KCTD8: variants seen among roughly 807,000 people sequenced by gnomAD.
The protein encoded by KCTD8 is potassium channel tetramerization domain containing 8, also known as BTB/POZ domain-containing protein KCTD8.
A neutral mutation model predicts 31.5 loss-of-function variants in KCTD8; 27 were observed. The ratio of observed to expected loss-of-function variants is 0.86; its 90% CI spans 0.63 to 1.18. The LOEUF (loss-of-function observed/expected upper bound fraction) is 1.18, where lower values mean the gene tolerates loss of function less well. KCTD8 is among the 50% of genes most tolerant of loss of function. KCTD8 has a pLI of 0.00. For missense variants in KCTD8, 658 were observed against 647.7 expected (o/e 1.02, Z -0.17); for synonymous variants, 290 against 280.0 (o/e 1.04, Z -0.36).
chr4:44,264,743 A>T (rs553048688), intron 1 of KCTD8, among the ~76,000 whole-genome samples: 5 of 152,112 alleles, frequency 3.3e-5, no homozygotes, highest in Non-Finnish European at 7.4e-5. Flanking sequence ...TATCCCGCAC[A>T]TGGCTCGGAG....
chr4:44,193,301 C>T (rs1713820175), intron 1 of KCTD8, among the ~76,000 whole-genome samples: 1 of 152,066 alleles, frequency 6.6e-6, no homozygotes, highest in South Asian at 2.1e-4. Context: ...GTTTATTTTA[C>T]ACATTAGGAA....
At position 44,203,943 on chromosome 4, in the gene KCTD8, TA is replaced by T. The variant is rs908485999; in HGVS notation, c.962-28694del. ...GAGAAATAATTTCAAGATTTAGTAA[TA>T]AAAAAAAGCATGTGCAAATGCCTTT... On this transcript the variant is annotated intron_variant, in intron 1 of 1. Coordinates refer to ENST00000360029, the MANE Select transcript of KCTD8 (RefSeq NM_198353.3). Among the ~76,000 whole-genome samples, 10 of 151,346 alleles carry T rather than the reference TA, an allele frequency of 6.6e-5. No individual in the cohort carries two copies. In the East Asian group the frequency reaches 1.5e-3, roughly 23 times the overall value.
intron 1 of KCTD8, among the ~76,000 whole-genome samples, chr4:44,407,802 G>A (rs950483830): frequency 6.6e-6 from 1 of 152,022 alleles, no homozygotes; most frequent in African/African-American, 2.4e-5. Flanking sequence ...GTGTGTTACT[G>A]GGGATAAAAC....
At chr4:44,309,058 CAG>C (rs1164286015) in intron 1 of KCTD8, among the ~76,000 whole-genome samples, 3 of 152,070 alleles carry the variant, frequency 2.0e-5, no homozygotes, top group East Asian at 1.9e-4. Context: ...TTATTTAAAA[CAG>C]AGTCTCACTT....
intron 1 of KCTD8, among the ~76,000 whole-genome samples, chr4:44,216,624 TA>T (rs367759504): frequency 4.0e-5 from 6 of 151,762 alleles, no homozygotes; most frequent in African/African-American, 9.7e-5. Flanking sequence ...TGAGACAAGT[TA>T]AAAAAAATGT....
intron 1 of KCTD8, among the ~76,000 whole-genome samples, chr4:44,278,252 C>T (rs1716807621): frequency 6.6e-6 from 1 of 151,980 alleles, no homozygotes; most frequent in South Asian, 2.1e-4. Flanking sequence ...CAACATGAAA[C>T]TTTCACTCAT....
intron 1 of KCTD8, among the ~76,000 whole-genome samples, chr4:44,259,062 G>A (rs943119452): frequency 2.6e-5 from 4 of 151,782 alleles, no homozygotes; most frequent in African/African-American, 9.7e-5. Flanking sequence ...TTAATTAACT[G>A]GGTTAGGAAA....
chr4:44,269,154 C>T (rs1247732765), intron 1 of KCTD8, among the ~76,000 whole-genome samples: 4 of 152,272 alleles, frequency 2.6e-5, no homozygotes, highest in Non-Finnish European at 5.9e-5. Flanking sequence ...TACAAGGCTG[C>T]AGTAACCAAA....
intron 1 of KCTD8, 76 bp downstream of exon 1, chr4:44,447,487 C>T: frequency 1.4e-6 from 2 of 1,443,362 alleles, no homozygotes; most frequent in Non-Finnish European, 1.8e-6. Context: ...CCCGCGGGGC[C>T]TCCAGCGGGG....
rs1035678629 is a variant in KCTD8, at chr4:44,307,047, C to T, written c.962-131797G>A. On this transcript the variant is annotated intron_variant, in intron 1 of 1. Transcript: ENST00000360029. ...TATGTAATTAATTGCTTAACTAAAG[C>T]GGCCATAAACAAAATCAGTAATTAA... Among the ~76,000 whole-genome samples the T allele has an allele frequency of 5.9e-5, 9 of 151,918 alleles. No individual in the cohort carries two copies. The East Asian group carries it at 9.7e-4, about 16-fold the overall frequency.
chr4:44,183,115 T>C (rs1713477307), intron 1 of KCTD8, among the ~76,000 whole-genome samples: 1 of 152,222 alleles, frequency 6.6e-6, no homozygotes, highest in Non-Finnish European at 1.5e-5. Context: ...TATGCACATA[T>C]GAATTGCAGA....
intron 1 of KCTD8, among the ~76,000 whole-genome samples, chr4:44,310,463 A>C (rs925298031): frequency 2.6e-5 from 4 of 152,040 alleles, no homozygotes; most frequent in Non-Finnish European, 4.4e-5. Context: ...CAGCAAACTA[A>C]TTTCTTCTAA....
chr4:44,317,024 G>A (rs1196837495), intron 1 of KCTD8, among the ~76,000 whole-genome samples: 3 of 150,066 alleles, frequency 2.0e-5, no homozygotes, highest in African/African-American at 7.3e-5. Flanking sequence ...AAAACAAACA[G>A]GAAACCAGAC....
At chr4:44,287,939 T>C (rs1258345405) in intron 1 of KCTD8, among the ~76,000 whole-genome samples, 2 of 152,136 alleles carry the variant, frequency 1.3e-5, no homozygotes, top group Non-Finnish European at 2.9e-5. Context: ...CTCATAAATA[T>C]TATAAGAAGT....
intron 1 of KCTD8, among the ~76,000 whole-genome samples, chr4:44,410,563 C>A (rs77385784): frequency 0.025 from 3,846 of 152,124 alleles, 138 homozygotes; most frequent in East Asian, 0.1. Context: ...TAAAGACATA[C>A]CTGAGACTGG....
intron 1 of KCTD8, among the ~76,000 whole-genome samples, chr4:44,246,535 G>A (rs962847362): frequency 6.6e-6 from 1 of 151,988 alleles, no homozygotes; most frequent in African/African-American, 2.4e-5. Context: ...GGAGGAAGTA[G>A]GTTTAATTTT....
chr4:44,317,652 T>G (rs974571208), intron 1 of KCTD8, among the ~76,000 whole-genome samples: 13 of 152,126 alleles, frequency 8.5e-5, no homozygotes, highest in African/African-American at 3.1e-4. Context: ...ATTAGTGGAG[T>G]GCTAAGCATG....
intron 1 of KCTD8, among the ~76,000 whole-genome samples, chr4:44,278,931 T>C (rs1168684435): frequency 1.3e-5 from 2 of 152,088 alleles, no homozygotes; most frequent in African/African-American, 2.4e-5. Flanking sequence ...TATCTATTTT[T>C]ATTTCTTGCA....
intron 1 of KCTD8, among the ~76,000 whole-genome samples, chr4:44,349,889 T>C (rs1429864560): frequency 6.6e-6 from 1 of 152,116 alleles, no homozygotes. Flanking sequence ...CACCAAAATC[T>C]GGGCCAAATA....
Sources: allele counts gnomAD v4.1 joint callset (sites outside exome capture counted in the v4.1 genomes callset), GRCh38; gene constraint gnomAD v4.1.1; transcripts MANE v1.5; gene names NCBI Gene and HGNC (gene_info 2026-07-23, HGNC 2026-07-21).